EOGT: variants seen among roughly 807,000 people sequenced by gnomAD.
The protein encoded by EOGT is EGF domain-specific O-linked N-acetylglucosamine transferase.
EOGT carries 55 observed loss-of-function variants against 70.5 expected under a neutral mutation model. That is an observed-to-expected ratio of 0.78 (90% CI 0.63 to 0.98). The LOEUF (loss-of-function observed/expected upper bound fraction) is 0.98, where lower values mean the gene tolerates loss of function less well. Among genes scored for constraint, EOGT ranks in the 50% least tolerant of loss-of-function variants. The pLI, the probability that EOGT is intolerant of heterozygous loss-of-function variation, is 0.00. For synonymous variants in EOGT, 246 were observed against 217.1 expected, an observed-to-expected ratio of 1.13 and a Z score of -1.17; for missense variants, 703 against 641.9, an observed-to-expected ratio of 1.10 and a Z score of -1.03.
intron 4 of EOGT, among the ~76,000 whole-genome samples, chr3:69,008,838 G>C (rs538241166): frequency 6.6e-6 from 1 of 152,134 alleles, no homozygotes; most frequent in African/African-American, 2.4e-5. Flanking sequence ...CTTTCTCAGT[G>C]AGCAAGCGGA....
chr3:68,982,853 G>A lies in EOGT; in HGVS notation c.1172C>T (p.Thr391Ile). 3.1e-6 allele frequency: 5 copies of A among 1,602,192 alleles called. No individual in the cohort carries two copies. The highest frequency in any genetic ancestry group is 4.3e-6 in the Non-Finnish European group (5 of 1,174,488). Reference sequence around the variant, plus strand: ...AATCTGGACTTCAAATGTAGATACTGTTTTCAGTGCATTTACAAGCTGGGA... The same window carrying A: ...AATCTGGACTTCAAATGTAGATACTATTTTCAGTGCATTTACAAGCTGGGA... Reference protein sequence around the residue: ...NQNELVNALKTVSTFEVQIVD... With the variant: ...NQNELVNALKIVSTFEVQIVD... The change falls in exon 15 of 18, where the codon ACA becomes ATA. Residue 391 changes from threonine to isoleucine, a missense_variant. By Grantham distance (89) the Thr-to-Ile change is moderately conservative. Coordinates refer to ENST00000383701, the MANE Select transcript of EOGT (RefSeq NM_001278689.2).
intron 6 of EOGT, among the ~76,000 whole-genome samples, chr3:69,006,899 T>C (rs2091450150): frequency 6.6e-6 from 1 of 152,246 alleles, no homozygotes. Flanking sequence ...TTAACTCCTC[T>C]GAGGACCCTG....
At chr3:69,007,351 T>C (rs558040391) in intron 6 of EOGT, among the ~76,000 whole-genome samples, 11 of 152,150 alleles carry the variant, frequency 7.2e-5, no homozygotes, top group Non-Finnish European at 1.0e-4. Flanking sequence ...CAATAATAAG[T>C]AATAAAAATA....
intron 15 of EOGT, 53 bp from the exon 16 acceptor site, chr3:68,979,840 G>T: frequency 6.4e-7 from 1 of 1,561,882 alleles, no homozygotes; most frequent in South Asian, 1.1e-5. Context: ...AGAAGTATTA[G>T]GTTGAGTTAG....
intron 14 of EOGT, among the ~76,000 whole-genome samples, chr3:68,983,249 T>TTGGGCATCAGAATGCCCAAAA (rs2090702015): frequency 2.0e-5 from 3 of 152,242 alleles, no homozygotes; most frequent in African/African-American, 7.2e-5. Flanking sequence ...ACACACATTT[T>TTGGGCATCAGAATGCCCAAAA]TGGGCATCAG....
intron 6 of EOGT, 136 bp downstream of exon 6, chr3:69,007,577 G>A (rs2091470319): frequency 2.9e-6 from 1 of 339,270 alleles, no homozygotes; most frequent in Non-Finnish European, 5.6e-6. Flanking sequence ...CCTTGAACCT[G>A]GGAGGCAGAG....
At chr3:68,987,397 T>A in intron 14 of EOGT, 48 bp downstream of exon 14, 2 of 1,251,816 alleles carry the variant, frequency 1.6e-6, no homozygotes, top group Admixed American at 2.0e-5. Context: ...CACAATTTGC[T>A]CTATGAATTG....
intron 8 of EOGT, among the ~76,000 whole-genome samples, chr3:69,003,076 G>C (rs574248286): frequency 2.0e-5 from 3 of 152,094 alleles, no homozygotes; most frequent in Non-Finnish European, 4.4e-5. Flanking sequence ...TCTGCATCCT[G>C]ATTGTGGTGG....
In EOGT at chr3:68,998,036, T is replaced by A; in HGVS notation, c.806A>T (p.Asp269Val). The change falls in exon 10 of 18, where the codon GAC becomes GTC. Residue 269 changes from aspartate (D) to valine (V), a missense_variant. Coordinates refer to ENST00000383701, the MANE Select transcript of EOGT (RefSeq NM_001278689.2). ...TQHVNNSFST[D>V]VYIVMWDTSS... ...GGTGTCCCACATCACGATGTACACG[T>A]CAGTACTGAATGAGTTATTAACGTG... 6.3e-7 allele frequency: 1 copy of A among 1,589,422 alleles called. No homozygotes were observed.
chr3:68,985,540 T>G lies in EOGT; in HGVS notation c.1152+1905A>C, dbSNP rs142503877. 3.9e-5 allele frequency among the ~76,000 whole-genome samples: 6 copies of G among 152,316 alleles called. No homozygotes were observed. The East Asian group carries it at 1.2e-3, about 29-fold the overall frequency. On this transcript the variant is annotated intron_variant, in intron 14 of 17. Transcript: ENST00000383701. ...CAAGTTAAAAGCCTCAAGTCACACT[T>G]GATCCTTGATACCTTTCCTGGCCTT...
intron 3 of EOGT, among the ~76,000 whole-genome samples, chr3:69,010,309 A>T (rs1328890846): frequency 6.6e-6 from 1 of 152,260 alleles, no homozygotes; most frequent in Non-Finnish European, 1.5e-5. Flanking sequence ...AAAAGTAGCC[A>T]TGGTCTATTA....
intron 13 of EOGT, chr3:68,987,776 A>G (rs1314792013): frequency 1.9e-6 from 1 of 513,620 alleles, no homozygotes; most frequent in Non-Finnish European, 3.4e-6. Context: ...TGTATGTTAC[A>G]TGAACATTTG....
chr3:69,002,812 G>A (rs565782718), intron 8 of EOGT, among the ~76,000 whole-genome samples: 2 of 152,044 alleles, frequency 1.3e-5, no homozygotes, highest in Admixed American at 6.6e-5. Context: ...ATGCCATCTC[G>A]CCCAGCTAAT....
intron 3 of EOGT, 53 bp downstream of exon 3, chr3:69,011,883 T>A (rs2091586977): frequency 6.6e-6 from 1 of 152,170 alleles, no homozygotes; most frequent in African/African-American, 2.4e-5. Flanking sequence ...TATAAAAATT[T>A]AAAAACACAT....
intron 10 of EOGT, among the ~76,000 whole-genome samples, chr3:68,995,936 G>A (rs191455056): frequency 1.3e-5 from 2 of 152,174 alleles, no homozygotes. Context: ...GTCCACGGGG[G>A]TCATAAGCAT....
At chr3:68,997,162 T>C (rs947793116) in intron 10 of EOGT, among the ~76,000 whole-genome samples, 8 of 152,150 alleles carry the variant, frequency 5.3e-5, no homozygotes, top group Middle Eastern at 3.4e-3. Context: ...AACAAATAAA[T>C]AGCAGGTGTC....
chr3:68,998,464 T>C (rs1159542818), intron 9 of EOGT, among the ~76,000 whole-genome samples: 1 of 152,206 alleles, frequency 6.6e-6, no homozygotes, highest in Non-Finnish European at 1.5e-5. Flanking sequence ...AGACAAACCA[T>C]TATTTCTTCT....
chr3:69,008,485 G>C lies in EOGT; in HGVS notation c.254C>G (p.Ser85Cys). The C allele has an allele frequency of 6.2e-7, 1 of 1,614,014 alleles. No homozygotes were observed. The part of the protein sequence containing the change: ...KLKYCWGYEK[S>C]CKPEFRFGYP... ...ACCAAACCTGAACTCTGGTTTGCAG[G>C]ATTTCTCATAACCCCAGCAGTACTT... is the stretch of plus-strand genomic sequence containing the variant. The change falls in exon 5 of 18, where the codon TCC becomes TGC. Residue 85 changes from serine to cysteine, a missense_variant. By Grantham distance (112) the Ser-to-Cys change is moderately radical. Transcript: ENST00000383701.
intron 10 of EOGT, among the ~76,000 whole-genome samples, chr3:68,994,855 G>A (rs1438373103): frequency 6.6e-6 from 1 of 152,162 alleles, no homozygotes; most frequent in African/African-American, 2.4e-5. Context: ...AATGTGGAAA[G>A]CCTGCCGTAA....
Sources: allele counts gnomAD v4.1 joint callset (sites outside exome capture counted in the v4.1 genomes callset), GRCh38; gene constraint gnomAD v4.1.1; transcripts MANE v1.5; gene names NCBI Gene and HGNC (gene_info 2026-07-23, HGNC 2026-07-21).